ADAMTSL3: variants seen among roughly 807,000 people sequenced by gnomAD.
The protein encoded by ADAMTSL3 is ADAMTS-like protein 3.
In ADAMTSL3, 128 loss-of-function variants were observed where a neutral mutation model predicts 201.7. The ratio of observed to expected loss-of-function variants is 0.63; its 90% CI spans 0.55 to 0.73. The LOEUF is 0.73. ADAMTSL3 is among the 30% of genes least tolerant of loss of function. The pLI is 0.00. For synonymous variants in ADAMTSL3, 738 were observed against 748.4 expected (o/e 0.99, Z 0.23); for missense variants, 1,990 against 2,119.6 (o/e 0.94, Z 1.20).
intron 3 of ADAMTSL3, among the ~76,000 whole-genome samples, chr15:83,752,158 A>G (rs138000268): frequency 6.6e-6 from 1 of 152,360 alleles, no homozygotes; most frequent in East Asian, 1.9e-4. Context: ...AATCAGTGGT[A>G]TAGAAGACAA....
chr15:83,954,587 A>G (rs1299979655), intron 19 of ADAMTSL3, among the ~76,000 whole-genome samples: 2 of 152,166 alleles, frequency 1.3e-5, no homozygotes, highest in East Asian at 1.9e-4. Flanking sequence ...GTGTCTGGGC[A>G]TTGAATAATT....
chr15:83,908,703 C>T (rs1208311682), intron 15 of ADAMTSL3, among the ~76,000 whole-genome samples: 3 of 152,184 alleles, frequency 2.0e-5, no homozygotes, highest in Non-Finnish European at 2.9e-5. Context: ...ATTCTTTCTT[C>T]ATGCTCAAAG....
intron 25 of ADAMTSL3, among the ~76,000 whole-genome samples, chr15:84,018,776 C>A (rs907639701): frequency 6.6e-6 from 1 of 152,100 alleles, no homozygotes; most frequent in African/African-American, 2.4e-5. Flanking sequence ...CAAGAGTTTA[C>A]TCCTAAAACA....
chr15:83,669,302 C>T (rs561352386), intron 2 of ADAMTSL3, among the ~76,000 whole-genome samples: 5 of 151,976 alleles, frequency 3.3e-5, no homozygotes, highest in East Asian at 3.9e-4. Flanking sequence ...TGCACCACCA[C>T]GCGCGGCTAA....
chr15:83,770,921 G>A (rs57785172), intron 3 of ADAMTSL3, among the ~76,000 whole-genome samples: 1 of 152,032 alleles, frequency 6.6e-6, no homozygotes, highest in Non-Finnish European at 1.5e-5. Context: ...CAAAAAATTA[G>A]CCGGGTGTGG....
intron 6 of ADAMTSL3, among the ~76,000 whole-genome samples, chr15:83,826,530 C>CT (rs1390242007): frequency 6.7e-6 from 1 of 150,106 alleles, no homozygotes; most frequent in Non-Finnish European, 1.5e-5. Context: ...AAAAATTATA[C>CT]TTTAAGTTCT....
intron 20 of ADAMTSL3, among the ~76,000 whole-genome samples, chr15:83,981,635 C>T (rs1567279643): frequency 6.6e-6 from 1 of 152,238 alleles, no homozygotes; most frequent in East Asian, 1.9e-4. Context: ...ACTGCCTATG[C>T]CACCTGTTCT....
intron 23 of ADAMTSL3, among the ~76,000 whole-genome samples, chr15:84,001,943 C>A (rs957925412): frequency 1.3e-5 from 2 of 152,202 alleles, no homozygotes; most frequent in African/African-American, 4.8e-5. Context: ...TATGGACTCC[C>A]TCACCTCACC....
At chr15:83,944,379 C>T (rs1392315675) in intron 19 of ADAMTSL3, among the ~76,000 whole-genome samples, 1 of 152,120 alleles carries the variant, frequency 6.6e-6, no homozygotes, top group Non-Finnish European at 1.5e-5. Context: ...TGTCTTGTAA[C>T]CTTCAGTCAC....
intron 3 of ADAMTSL3, among the ~76,000 whole-genome samples, chr15:83,714,253 T>C (rs917423476): frequency 6.6e-6 from 1 of 152,174 alleles, no homozygotes; most frequent in African/African-American, 2.4e-5. Flanking sequence ...ATGAAACTGG[T>C]AGCCTGAGAT....
chr15:83,745,417 G>T (rs1393130609), intron 3 of ADAMTSL3, among the ~76,000 whole-genome samples: 1 of 152,162 alleles, frequency 6.6e-6, no homozygotes, highest in Non-Finnish European at 1.5e-5. Context: ...CCACTGAGTG[G>T]CATAACACTT....
At chr15:83,659,098 C>G (rs1424620737) in intron 2 of ADAMTSL3, among the ~76,000 whole-genome samples, 6 of 152,176 alleles carry the variant, frequency 3.9e-5, no homozygotes, top group African/African-American at 1.4e-4. Context: ...TTTAGATTCT[C>G]TGGCAAATTC....
intron 20 of ADAMTSL3, among the ~76,000 whole-genome samples, chr15:83,971,053 A>G (rs1022208359): frequency 6.6e-6 from 1 of 152,204 alleles, no homozygotes; most frequent in Non-Finnish European, 1.5e-5. Flanking sequence ...CTTGTGTATA[A>G]TCTAAAATTG....
intron 15 of ADAMTSL3, among the ~76,000 whole-genome samples, chr15:83,907,592 C>G (rs545680146): frequency 4.6e-5 from 7 of 152,176 alleles, no homozygotes; most frequent in South Asian, 4.2e-4. Context: ...TTAGTAGAGA[C>G]AGCGTTTCAC....
intron 6 of ADAMTSL3, among the ~76,000 whole-genome samples, chr15:83,822,537 C>T (rs1164610608): frequency 7.1e-6 from 1 of 141,816 alleles, no homozygotes; most frequent in African/African-American, 2.8e-5. Context: ...CGGGTAGAGG[C>T]GCTCCTCACA....
intron 6 of ADAMTSL3, among the ~76,000 whole-genome samples, chr15:83,830,037 C>T (rs78808491): frequency 0.053 from 7,981 of 152,012 alleles, 242 homozygotes; most frequent in East Asian, 0.14. Context: ...AGATCTTTTA[C>T]GGCTGAATGT....
intron 6 of ADAMTSL3, among the ~76,000 whole-genome samples, chr15:83,831,032 A>G (rs187580649): frequency 5.2e-4 from 79 of 152,348 alleles, no homozygotes; most frequent in African/African-American, 1.8e-3. Context: ...TGGGCTAATC[A>G]AAAGAGTTGA....
At chr15:83,855,436 C>T (rs1053930467) in intron 7 of ADAMTSL3, among the ~76,000 whole-genome samples, 1 of 152,164 alleles carries the variant, frequency 6.6e-6, no homozygotes, top group Non-Finnish European at 1.5e-5. Flanking sequence ...TGGGCAAACT[C>T]CCAGTTAGAT....
chr15:83,895,488 C>A (rs1318051383), intron 13 of ADAMTSL3, among the ~76,000 whole-genome samples: 2 of 152,198 alleles, frequency 1.3e-5, no homozygotes. Flanking sequence ...TTCTCATTCA[C>A]CATACTTCAC....
Sources: gnomAD v4.1 joint callset for allele counts (sites outside exome capture counted in the v4.1 genomes callset) on GRCh38, gnomAD v4.1.1 for gene constraint, MANE v1.5 for transcripts, NCBI Gene and HGNC (gene_info 2026-07-23, HGNC 2026-07-21) for gene names.